Variants in MSN observed in about 807,000 individuals in gnomAD.
The protein encoded by MSN is moesin.
Under a neutral mutation model 48.0 loss-of-function variants are expected in MSN, and 2 were observed. The ratio of observed to expected loss-of-function variants is 0.04; its 90% CI spans 0.02 to 0.13. The LOEUF is 0.13. MSN is among the 10% of genes least tolerant of loss of function. The pLI is 1.00. For synonymous variants in MSN, 146 were observed against 166.9 expected (o/e 0.87, Z 0.97); for missense variants, 267 against 470.1 (o/e 0.57, Z 3.99).
At chrX:65,670,707 A>T (rs2070924215) in intron 1 of MSN, among the ~76,000 whole-genome samples, 2 of 105,791 alleles carry the variant, frequency 1.9e-5, no homozygotes, top group South Asian at 8.5e-4. Flanking sequence ...TGGGTGACAG[A>T]GTGAGACTCC....
At chrX:65,678,762 AG>A (rs1250884027) in intron 1 of MSN, among the ~76,000 whole-genome samples, 7 of 111,606 alleles carry the variant, frequency 6.3e-5, no homozygotes, top group Non-Finnish European at 1.3e-4. Flanking sequence ...TACAATGGAA[AG>A]AAGAGTGAGA....
chrX:65,656,341 G>C (rs1158156854), intron 1 of MSN, among the ~76,000 whole-genome samples: 2 of 109,005 alleles, frequency 1.8e-5, no homozygotes, highest in Non-Finnish European at 3.8e-5. Flanking sequence ...GAGAGAAAGT[G>C]ATGACATAGG....
At chrX:65,710,945 C>T (rs55753189) in intron 1 of MSN, among the ~76,000 whole-genome samples, 1 of 102,092 alleles carries the variant, frequency 9.8e-6, no homozygotes, top group Non-Finnish European at 2.0e-5. Flanking sequence ...AGTGCAGTGA[C>T]GTGATCTTGG....
Position 65,740,166 on chromosome X carries a change from C to T in MSN, c.*273C>T, listed in dbSNP as rs1052749431. The stretch of plus-strand genomic sequence containing the variant: ...TGGCTAGAATATCCTACTTCTCCAG[C>T]CTAGAGGTACTTTCCACTTGATTTT... On this transcript the variant is annotated 3_prime_UTR_variant, in exon 13 of 13. Transcript: ENST00000360270. 9.1e-5 allele frequency: 26 copies of T among 284,824 alleles called. No individual in the cohort carries two copies. Among genetic ancestry groups the T allele is most frequent in the Admixed American group, 2.9e-4 (5 of 17,494 alleles). The allele number at this position is 284,824 out of a possible 1,213,427, so 23.5% of individuals were successfully genotyped here.
At chrX:65,610,016 A>G (rs1244139486) in intron 1 of MSN, among the ~76,000 whole-genome samples, 1 of 112,281 alleles carries the variant, frequency 8.9e-6, no homozygotes, top group East Asian at 2.8e-4. Flanking sequence ...AATGGTTACA[A>G]TAGATTATAG....
chrX:65,683,401 C>T (rs2071077691), intron 1 of MSN, among the ~76,000 whole-genome samples: 1 of 99,132 alleles, frequency 1.0e-5, no homozygotes, highest in Non-Finnish European at 2.0e-5. Flanking sequence ...CCGCCACCAC[C>T]ACCACCACCA....
intron 5 of MSN, 91 bp downstream of exon 5, chrX:65,731,281 T>C (rs1483639917): frequency 2.1e-5 from 15 of 730,015 alleles, no homozygotes; most frequent in South Asian, 2.7e-5. Flanking sequence ...ACAAGGGACA[T>C]TGGTGGATGT....
Position 65,616,779 on chromosome X carries a change from T to G in MSN, c.-22+28167T>G, listed in dbSNP as rs1403096007. 2.8e-5 allele frequency among the ~76,000 whole-genome samples: 3 copies of G among 107,960 alleles called. No homozygotes were observed. In the Admixed American group the frequency reaches 3.0e-4, roughly 11 times the overall value. 93.8% of individuals were successfully genotyped at this position (107,960 alleles called of 115,157 possible). On this transcript the variant is annotated intron_variant, in intron 1 of 3. Coordinates refer to the MSN transcript ENST00000609672. ...GTGGTGAGAGAGGGCATCCCTGTCTTGTGCCAGTTTTTAAAGGGAATGCTT... is the reference window on the plus strand; with the variant it reads ...GTGGTGAGAGAGGGCATCCCTGTCTGGTGCCAGTTTTTAAAGGGAATGCTT...
chrX:65,596,927 C>T (rs897079941), intron 1 of MSN, among the ~76,000 whole-genome samples: 5 of 112,040 alleles, frequency 4.5e-5, no homozygotes, highest in Non-Finnish European at 9.4e-5. Flanking sequence ...TGACAGAAAC[C>T]CTGCCTTTAA....
chrX:65,623,533 AG>A (rs1475807530), intron 1 of MSN, among the ~76,000 whole-genome samples: 2 of 110,464 alleles, frequency 1.8e-5, no homozygotes, highest in Non-Finnish European at 3.8e-5. Flanking sequence ...GAATTTGGCC[AG>A]GCATAGTGGC....
intron 1 of MSN, among the ~76,000 whole-genome samples, chrX:65,695,751 C>G (rs992710399): frequency 9.0e-6 from 1 of 110,740 alleles, no homozygotes; most frequent in Admixed American, 9.6e-5. Flanking sequence ...TGGCCCATCT[C>G]CCCCAAATCT....
intron 1 of MSN, among the ~76,000 whole-genome samples, chrX:65,641,897 G>A (rs929339773): frequency 3.7e-5 from 4 of 109,212 alleles, no homozygotes. Context: ...CACTTTGGGA[G>A]GCCAAGGCAG....
At chrX:65,644,024 A>G (rs1201469868) in intron 1 of MSN, among the ~76,000 whole-genome samples, 1 of 111,850 alleles carries the variant, frequency 8.9e-6, no homozygotes, top group African/African-American at 3.3e-5. Flanking sequence ...TCTCTCCCTC[A>G]GTTTTCTCTT....
chrX:65,619,339 G>A (rs1224832817), intron 1 of MSN, among the ~76,000 whole-genome samples: 1 of 98,385 alleles, frequency 1.0e-5, no homozygotes, highest in Non-Finnish European at 1.9e-5. Context: ...TCACTTTCAG[G>A]TACACCAATC....
At chrX:65,619,146 TC>T (rs1236799934) in intron 1 of MSN, among the ~76,000 whole-genome samples, 7 of 100,981 alleles carry the variant, frequency 6.9e-5, no homozygotes, top group Non-Finnish European at 1.2e-4. Context: ...TAACATTTTT[TC>T]CTTCATTTCA....
At chrX:65,699,695 G>A (rs910651336) in intron 1 of MSN, among the ~76,000 whole-genome samples, 1 of 102,555 alleles carries the variant, frequency 9.8e-6, no homozygotes, top group Non-Finnish European at 2.0e-5. Flanking sequence ...CTTGCAGTGA[G>A]CCGAGATGGT....
chrX:65,729,626 G>C lies in MSN; in HGVS notation c.381G>C (p.Ser127=), dbSNP rs760751746. The part of the protein sequence containing the change: ...CPPETAVLLA[S]YAVQSKYGDF... Reference sequence around the variant, plus strand: ...CTGAGACCGCTGTGCTGCTGGCCTCGTATGCTGTCCAGTCTAAGTATGGCG... The same window carrying C: ...CTGAGACCGCTGTGCTGCTGGCCTCCTATGCTGTCCAGTCTAAGTATGGCG... The change falls in exon 4 of 13, where the codon TCG becomes TCC. Residue 127 remains serine (S), a synonymous_variant. Transcript: ENST00000360270. The C allele has an allele frequency of 1.7e-6, 2 of 1,210,074 alleles. No individual in the cohort carries two copies. The highest frequency in any genetic ancestry group is 4.4e-5 in the Admixed American group (2 of 45,799).
intron 1 of MSN, chrX:65,625,892 G>A (rs1421902495): frequency 1.9e-5 from 2 of 105,062 alleles, no homozygotes; most frequent in Non-Finnish European, 3.9e-5. Flanking sequence ...TATCTGTCCT[G>A]ATTTTCATTA....
At chrX:65,614,828 A>G (rs1394692084) in intron 1 of MSN, among the ~76,000 whole-genome samples, 1 of 95,465 alleles carries the variant, frequency 1.0e-5, no homozygotes, top group East Asian at 3.6e-4. Context: ...AGCATTAGGT[A>G]TATCTCCCGA....
Sources: allele counts gnomAD v4.1 joint callset (sites outside exome capture counted in the v4.1 genomes callset), GRCh38; gene constraint gnomAD v4.1.1; transcripts MANE v1.5; gene names NCBI Gene and HGNC (gene_info 2026-07-23, HGNC 2026-07-21).